ACACB: variants seen among roughly 807,000 people sequenced by gnomAD.
ACACB encodes acetyl-CoA carboxylase 2.
A neutral mutation model predicts 278.8 loss-of-function variants in ACACB; 209 were observed. The observed-to-expected ratio is 0.75, with a 90% CI of 0.67 to 0.84. The LOEUF (loss-of-function observed/expected upper bound fraction) is 0.84. Ranked by LOEUF, ACACB falls within the 40% of genes least tolerant of loss-of-function variation. ACACB has a pLI of 0.00. For missense variants in ACACB, 2,850 were observed against 3,269.0 expected, an observed-to-expected ratio of 0.87 and a Z score of 3.13; for synonymous variants, 1,174 against 1,285.6, an observed-to-expected ratio of 0.91 and a Z score of 1.86.
In ACACB at chr12:109,139,520, G is replaced by A. The variant is rs1406432298; in HGVS notation, c.115G>A (p.Ala39Thr). The change falls in exon 2 of 53, where the codon GCA becomes ACA. Residue 39 changes from alanine to threonine, a missense_variant. By Grantham distance (58) the Ala-to-Thr change is moderately conservative (BLOSUM62 0). This residue lies in a region of ACACB where 2,265 missense variants were observed against 2,561.3 expected (regional missense o/e 0.88). Transcript: ENST00000338432. The part of the protein sequence containing the change: ...SKPITKSKSE[A>T]NLIPSQEPFP... ...GCCGATCACCAAGAGTAAATCAGAA[G>A]CAAACCTCATCCCGAGCCAGGAGCC... 5 of 1,614,004 alleles carry A rather than the reference G, an allele frequency of 3.1e-6. No individual in the cohort carries two copies. The highest frequency in any genetic ancestry group is 4.2e-6 in the Non-Finnish European group (5 of 1,180,032).
intron 1 of ACACB, among the ~76,000 whole-genome samples, chr12:109,127,949 G>C (rs905776005): frequency 6.6e-6 from 1 of 152,156 alleles, no homozygotes; most frequent in Non-Finnish European, 1.5e-5. Flanking sequence ...CACAGCTCCT[G>C]CTTTAGGAAC....
At chr12:109,190,873 G>T (rs1028382803) in intron 13 of ACACB, among the ~76,000 whole-genome samples, 2 of 151,960 alleles carry the variant, frequency 1.3e-5, no homozygotes, top group Non-Finnish European at 2.9e-5. Flanking sequence ...CAATCCTCCC[G>T]CCTCAGACTC....
intron 2 of ACACB, among the ~76,000 whole-genome samples, chr12:109,140,381 G>C (rs534007472): frequency 6.7e-6 from 1 of 148,158 alleles, no homozygotes; most frequent in Non-Finnish European, 1.5e-5. Context: ...TTGAGGCTGG[G>C]CACAGTGGCT....
At chr12:109,135,910 C>T (rs530656035) in intron 1 of ACACB, among the ~76,000 whole-genome samples, 191 of 151,012 alleles carry the variant, frequency 1.3e-3, no homozygotes, top group African/African-American at 4.0e-3. Flanking sequence ...CCCGGGTTCA[C>T]GCCATTCTCC....
chr12:109,172,373 T>A lies in ACACB; in HGVS notation c.1117+17T>A, dbSNP rs762773591. 4 of 1,612,046 alleles carry A rather than the reference T, an allele frequency of 2.5e-6. No homozygotes were observed. The East Asian group carries it at 8.9e-5, about 36-fold the overall frequency. Reference sequence around the variant, plus strand: ...CTTTCTTAGGTAGAGTGTGTCCCCATCAGATACATGGGAATTGGGGTATTG... The same window carrying A: ...CTTTCTTAGGTAGAGTGTGTCCCCAACAGATACATGGGAATTGGGGTATTG... On this transcript the variant is annotated intron_variant, in intron 6 of 52. Coordinates refer to ENST00000338432, the MANE Select transcript of ACACB (RefSeq NM_001093.4).
intron 1 of ACACB, among the ~76,000 whole-genome samples, chr12:109,120,927 A>C (rs1208044522): frequency 4.6e-5 from 7 of 152,100 alleles, no homozygotes; most frequent in Non-Finnish European, 1.0e-4. Context: ...GGAGGTGCTC[A>C]ACAAACATCA....
Position 109,139,491 on chromosome 12 carries a change from C to G in ACACB, c.86C>G (p.Ser29Cys). The change falls in exon 2 of 53, where the codon TCC (serine) becomes TGC (cysteine). Residue 29 changes from serine to cysteine, a missense_variant. Ser to Cys is a moderately radical substitution (Grantham distance 112). Around this residue, in one of 3 missense-constraint regions of ACACB, gnomAD observed 2,265 missense variants for 2,561.3 expected, o/e 0.88. Transcript: ENST00000338432. ...WLKIWGKMTD[S>C]KPITKSKSEA... is the part of the protein sequence containing the mutation. ...AAAATCTGGGGGAAAATGACGGACT[C>G]CAAGCCGATCACCAAGAGTAAATCA... The G allele has an allele frequency of 6.2e-7, 1 of 1,614,136 alleles. No homozygotes were observed. The highest frequency in any genetic ancestry group is 8.5e-7 in the Non-Finnish European group (1 of 1,180,034).
chr12:109,199,438 T>A lies in ACACB; in HGVS notation c.2664T>A (p.Phe888Leu). Residue 888 changes from phenylalanine to leucine, a missense_variant, in exon 18 of 53, where the codon TTT becomes TTA. Phe to Leu is a conservative substitution (Grantham distance 22, BLOSUM62 0). Coordinates refer to ENST00000338432, the MANE Select transcript of ACACB (RefSeq NM_001093.4). ...CCATCGGCAATAAGACGTGTGTGTT[T>A]GAGAAGGAGAACGATCCTACAGTCC... is the stretch of plus-strand genomic sequence containing the variant. ...RITIGNKTCVFEKENDPTVLR... is the reference protein window; with the variant it reads ...RITIGNKTCVLEKENDPTVLR... 1 of 1,545,852 alleles carries A rather than the reference T, an allele frequency of 6.5e-7. No individual in the cohort carries two copies. Among genetic ancestry groups the A allele is most frequent in the Non-Finnish European group, 8.7e-7 (1 of 1,145,270 alleles).
chr12:109,254,852 G>A (rs1477679067), intron 44 of ACACB, among the ~76,000 whole-genome samples: 11 of 151,354 alleles, frequency 7.3e-5, no homozygotes, highest in Non-Finnish European at 1.5e-5. Flanking sequence ...TTGGCTTACT[G>A]CAATCTCTAC....
rs569275472 is a variant in ACACB at position 109,241,132 on chromosome 12, C to T, written c.4873C>T (p.Leu1625Phe). The T allele has an allele frequency of 6.2e-7, 1 of 1,614,128 alleles. No homozygotes were observed. Among genetic ancestry groups the T allele is most frequent in the East Asian group, 2.2e-5 (1 of 44,870 alleles). The change falls in exon 36 of 53, where the codon CTC becomes TTC. Residue 1625 changes from leucine to phenylalanine, a missense_variant. Physicochemically the swap from Leu to Phe is conservative, Grantham distance 22. This residue lies in a region of ACACB where 2,265 missense variants were observed against 2,561.3 expected (regional missense o/e 0.88). Transcript: ENST00000338432. The stretch of plus-strand genomic sequence containing the variant: ...GCGCTACGGCAGCCGGCTGTGGAAA[C>T]TCCGTGTGCTACAGGCTGAGGTCAA... Reference protein sequence around the residue: ...VMRYGSRLWKLRVLQAEVKIN... With the variant: ...VMRYGSRLWKFRVLQAEVKIN...
chr12:109,237,208 C>A lies in ACACB; in HGVS notation c.4490C>A (p.Ala1497Asp). The A allele has an allele frequency of 6.2e-7, 1 of 1,614,170 alleles. No individual in the cohort carries two copies. The highest frequency in any genetic ancestry group is 2.2e-5 in the East Asian group (1 of 44,888). Residue 1497 changes from alanine (A) to aspartate (D), a missense_variant, in exon 34 of 53, where the codon GCC (alanine) becomes GAC (aspartate). Physicochemically the swap from Ala to Asp is moderately radical, Grantham distance 126. This residue lies in a region of ACACB where 2,265 missense variants were observed against 2,561.3 expected (regional missense o/e 0.88). Transcript: ENST00000338432. ...TACCGTCACTTGGAACCTGCCCTGG[C>A]CTTCCAGCTGGAACTTAACCGGATG... ...RIYRHLEPAL[A>D]FQLELNRMRN...
upstream of ACACB, among the ~76,000 whole-genome samples, chr12:109,116,085 T>C (rs1403292138): frequency 1.3e-5 from 2 of 152,246 alleles, no homozygotes; most frequent in Non-Finnish European, 2.9e-5. Flanking sequence ...CAGTCAACCC[T>C]GAATGAGAAT....
chr12:109,150,047 G>A (rs551373048), intron 2 of ACACB, among the ~76,000 whole-genome samples: 27 of 152,268 alleles, frequency 1.8e-4, no homozygotes, highest in South Asian at 1.7e-3. Context: ...ACAGGGTTGG[G>A]ATCAGGCTTC....
Position 109,199,376 on chromosome 12 carries a change from C to T in ACACB, c.2628-26C>T, listed in dbSNP as rs1028799226. Reference sequence around the variant, plus strand: ...TGAGTTGGTAGTCCTCATCAGTCTCCCTACCCGACTCCTCCTCTCTCCCAG... The same window carrying T: ...TGAGTTGGTAGTCCTCATCAGTCTCTCTACCCGACTCCTCCTCTCTCCCAG... On this transcript the variant is annotated intron_variant, in intron 17 of 52. Transcript: ENST00000338432. 4 of 1,450,670 alleles carry T rather than the reference C, an allele frequency of 2.8e-6. No individual in the cohort carries two copies. In the African/African-American group the frequency reaches 5.8e-5, roughly 21 times the overall value. The allele number at this position is 1,450,670 out of a possible 1,614,324, so 89.9% of individuals were successfully genotyped here.
intron 11 of ACACB, 139 bp downstream of exon 11, chr12:109,180,226 C>A: frequency 1.2e-6 from 1 of 807,432 alleles, no homozygotes; most frequent in Non-Finnish European, 1.9e-6. Context: ...TTTGAGAAAT[C>A]TGTAAAAGCT....
intron 27 of ACACB, among the ~76,000 whole-genome samples, chr12:109,226,769 C>T (rs990069270): frequency 6.6e-6 from 1 of 151,578 alleles, no homozygotes; most frequent in Non-Finnish European, 1.5e-5. Context: ...CAGCTACGTC[C>T]GTGCTAACAG....
rs868345038 is a variant in ACACB at position 109,210,188 on chromosome 12, C to T, written c.3249+835C>T. Among the ~76,000 whole-genome samples, 14 of 13,764 alleles carry T rather than the reference C, an allele frequency of 1.0e-3. 1 individual carries two copies. Among genetic ancestry groups the T allele is most frequent in the East Asian group, 3.4e-3 (1 of 290 alleles). The allele number at this position is 13,764 out of a possible 152,430, so 9.0% of individuals were successfully genotyped here. On this transcript the variant is annotated intron_variant, in intron 21 of 52. Coordinates refer to ENST00000338432, the MANE Select transcript of ACACB (RefSeq NM_001093.4). ...ATATGTATATATGTATATATACACA[C>T]GTGTGTATATGTATATATGTATATA...
At chr12:109,140,644 G>A (rs1032250501) in intron 2 of ACACB, among the ~76,000 whole-genome samples, 8 of 152,060 alleles carry the variant, frequency 5.3e-5, no homozygotes, top group Admixed American at 4.6e-4. Context: ...GTGACAGGGC[G>A]AGACCTTGTC....
At chr12:109,123,339 G>A (rs7305190) in intron 1 of ACACB, among the ~76,000 whole-genome samples, 26,675 of 151,798 alleles carry the variant, frequency 0.18, 2,451 homozygotes, top group African/African-American at 0.22. Context: ...CAACATGCAT[G>A]TCATTAATTA....
Sources: allele counts gnomAD v4.1 joint callset (sites outside exome capture counted in the v4.1 genomes callset), GRCh38; gene constraint gnomAD v4.1.1; regional missense constraint gnomAD v4.1.1; transcripts MANE v1.5; gene names NCBI Gene and HGNC (gene_info 2026-07-23, HGNC 2026-07-21).